FOXN2: variants seen among roughly 807,000 people sequenced by gnomAD.
FOXN2 encodes the protein forkhead box protein N2.
A neutral mutation model predicts 41.2 loss-of-function variants in FOXN2; 19 were observed. The ratio of observed to expected loss-of-function variants is 0.46; its 90% CI spans 0.32 to 0.68. FOXN2 has a LOEUF of 0.68. FOXN2 is among the 30% of genes least tolerant of loss of function. The pLI, the probability that FOXN2 is intolerant of heterozygous loss-of-function variation, is 0.03. For missense variants in FOXN2, 587 were observed against 509.4 expected (o/e 1.15, Z -1.47); for synonymous variants, 195 against 176.8 (o/e 1.10, Z -0.82).
intron 2 of FOXN2, among the ~76,000 whole-genome samples, chr2:48,339,169 C>G (rs1670570563): frequency 6.6e-6 from 1 of 152,056 alleles, no homozygotes; most frequent in African/African-American, 2.4e-5. Flanking sequence ...GTCTTCTGCC[C>G]TGTTACTAGC....
intron 3 of FOXN2, among the ~76,000 whole-genome samples, chr2:48,347,043 T>C (rs1671150778): frequency 6.6e-6 from 1 of 152,140 alleles, no homozygotes; most frequent in African/African-American, 2.4e-5. Context: ...AGCATTTGAT[T>C]CTTTATTCAA....
intron 4 of FOXN2, among the ~76,000 whole-genome samples, chr2:48,362,284 G>A (rs900866196): frequency 6.6e-6 from 1 of 152,232 alleles, no homozygotes; most frequent in Non-Finnish European, 1.5e-5. Context: ...AAGTGAAATA[G>A]TTGGGTGCAA....
intron 3 of FOXN2, among the ~76,000 whole-genome samples, chr2:48,350,433 G>C (rs1671378230): frequency 6.6e-6 from 1 of 152,230 alleles, no homozygotes; most frequent in Non-Finnish European, 1.5e-5. Context: ...TATGGGGATA[G>C]CTAGGTTTTA....
intron 4 of FOXN2, among the ~76,000 whole-genome samples, chr2:48,360,883 G>A (rs1296297378): frequency 1.3e-5 from 2 of 150,598 alleles, no homozygotes; most frequent in African/African-American, 4.9e-5. Context: ...CATGGGTAGT[G>A]CACGCCTGTG....
chr2:48,361,584 TC>T (rs1672189801), intron 4 of FOXN2, among the ~76,000 whole-genome samples: 1 of 152,190 alleles, frequency 6.6e-6, no homozygotes, highest in African/African-American at 2.4e-5. Flanking sequence ...AAATAACAGT[TC>T]CATCTGACAT....
chr2:48,315,079 T>C (rs1668809865), intron 1 of FOXN2, among the ~76,000 whole-genome samples: 1 of 151,888 alleles, frequency 6.6e-6, no homozygotes, highest in Admixed American at 6.6e-5. Context: ...GTTAGGAGTT[T>C]TTCCTGAGAG....
Position 48,316,118 on chromosome 2 carries a change from G to A in FOXN2, c.-157+1304G>A, listed in dbSNP as rs139332960. On this transcript the variant is annotated intron_variant, in intron 1 of 6. Transcript: ENST00000340553. ...GGCTTTGTAACTGTGCTGTCGCCTC[G>A]CATGTACATTTATCTTGGTGGGAGA... 9.7e-4 allele frequency among the ~76,000 whole-genome samples: 147 copies of A among 152,122 alleles called. No individual in the cohort carries two copies. The Middle Eastern group carries it at 0.024, about 25-fold the overall frequency.
At chr2:48,320,462 T>G (rs1669228946) in intron 1 of FOXN2, among the ~76,000 whole-genome samples, 1 of 152,064 alleles carries the variant, frequency 6.6e-6, no homozygotes, top group South Asian at 2.1e-4. Context: ...GGCTAATTTT[T>G]GTATTTTTAG....
At chr2:48,361,013 CAA>C (rs10719302) in intron 4 of FOXN2, among the ~76,000 whole-genome samples, 68 of 126,820 alleles carry the variant, frequency 5.4e-4, no homozygotes, top group Non-Finnish European at 6.7e-4. Context: ...GACCCCATCT[CAA>C]AAAAAAAAAA....
chr2:48,344,744 A>G (rs1572733244), intron 2 of FOXN2, among the ~76,000 whole-genome samples: 1 of 152,260 alleles, frequency 6.6e-6, no homozygotes, highest in African/African-American at 2.4e-5. Context: ...TCTCTTTTAC[A>G]TAACTGACAT....
intron 6 of FOXN2, among the ~76,000 whole-genome samples, chr2:48,374,697 G>C (rs1232756265): frequency 6.6e-6 from 1 of 152,092 alleles, no homozygotes; most frequent in Non-Finnish European, 1.5e-5. Flanking sequence ...ATTCAAAATA[G>C]TTACATATGC....
In FOXN2 at chr2:48,375,009, G is replaced by C; in HGVS notation, c.862G>C (p.Glu288Gln). The C allele has an allele frequency of 1.2e-6, 2 of 1,614,028 alleles. No homozygotes were observed. The highest frequency in any genetic ancestry group is 1.7e-6 in the Non-Finnish European group (2 of 1,179,956). Residue 288 changes from glutamate to glutamine, a missense_variant, in exon 7 of 7, where the codon GAG (glutamate) becomes CAG (glutamine). Coordinates refer to ENST00000340553, the MANE Select transcript of FOXN2 (RefSeq NM_002158.4). Reference protein sequence around the residue: ...FHHPSAVRLQESDSLATSIDP... With the variant: ...FHHPSAVRLQQSDSLATSIDP... ...TCATCCCAGTGCTGTACGATTACAA[G>C]AGAGTGATTCTTTAGCCACCAGCAT...
chr2:48,345,278 T>C (rs62137006), intron 2 of FOXN2, among the ~76,000 whole-genome samples: 48,156 of 151,850 alleles, frequency 0.32, 8,354 homozygotes, highest in East Asian at 0.52. Context: ...AGAAGTGTTA[T>C]CTTGTTAGAC....
chr2:48,356,283 A>G lies in FOXN2; in HGVS notation c.538-2764A>G, dbSNP rs539142376. ...TGGTGGAACCCTGTCTCTACTAAAA[A>G]TACAAAAATTAGCCGGGCATGGTGG... On this transcript the variant is annotated intron_variant, in intron 3 of 6. Transcript: ENST00000340553. Among the ~76,000 whole-genome samples the G allele has an allele frequency of 3.4e-4, 52 of 152,260 alleles. 2 individuals are homozygous for G. The South Asian group carries it at 0.011, about 31-fold the overall frequency.
chr2:48,350,857 G>A (rs528310896), intron 3 of FOXN2, among the ~76,000 whole-genome samples: 1 of 152,218 alleles, frequency 6.6e-6, no homozygotes, highest in African/African-American at 2.4e-5. Flanking sequence ...TAAAATTTGG[G>A]TGTTGTTTTT....
chr2:48,367,972 A>G (rs1035235901), intron 5 of FOXN2, among the ~76,000 whole-genome samples: 1 of 152,128 alleles, frequency 6.6e-6, no homozygotes, highest in Non-Finnish European at 1.5e-5. Context: ...CCTCCCAAGT[A>G]GCTGGGATTG....
intron 2 of FOXN2, among the ~76,000 whole-genome samples, chr2:48,341,314 A>G (rs1670752588): frequency 6.6e-6 from 1 of 152,146 alleles, no homozygotes; most frequent in African/African-American, 2.4e-5. Flanking sequence ...TAAATAAAAT[A>G]GAAAGTTTTC....
chr2:48,316,436 A>T (rs1168664810), intron 1 of FOXN2, among the ~76,000 whole-genome samples: 1 of 152,164 alleles, frequency 6.6e-6, no homozygotes, highest in Non-Finnish European at 1.5e-5. Context: ...TTTCTTTTTG[A>T]TAGTTTTAGA....
chr2:48,353,607 A>T (rs933024195), intron 3 of FOXN2, among the ~76,000 whole-genome samples: 4 of 136,054 alleles, frequency 2.9e-5, no homozygotes, highest in Non-Finnish European at 6.5e-5. Flanking sequence ...TGTGTGTGTG[A>T]AAGAGAAAGG....
Sources: gnomAD v4.1 joint callset for allele counts (sites outside exome capture counted in the v4.1 genomes callset) on GRCh38, gnomAD v4.1.1 for gene constraint, MANE v1.5 for transcripts, NCBI Gene and HGNC (gene_info 2026-07-23, HGNC 2026-07-21) for gene names.